CEP43: variants seen among roughly 807,000 people sequenced by gnomAD.
CEP43 encodes centrosomal protein 43.
A neutral mutation model predicts 52.6 loss-of-function variants in CEP43; 36 were observed. The ratio of observed to expected loss-of-function variants is 0.68; its 90% CI spans 0.52 to 0.90. CEP43 has a LOEUF of 0.90. CEP43 is among the 40% of genes least tolerant of loss of function. The pLI, the probability that CEP43 is intolerant of heterozygous loss-of-function variation, is 0.00. For synonymous variants in CEP43, 192 were observed against 172.4 expected, an observed-to-expected ratio of 1.11 and a Z score of -0.89; for missense variants, 506 against 472.8, an observed-to-expected ratio of 1.07 and a Z score of -0.65.
chr6:167,003,483 C>T (rs765826053), intron 3 of CEP43: 33 of 508,188 alleles, frequency 6.5e-5, no homozygotes, highest in South Asian at 1.3e-4. Context: ...CATTAAAAAG[C>T]GAAACACTGA....
chr6:167,033,940 T>C lies in CEP43; in HGVS notation c.1094T>C (p.Val365Ala), dbSNP rs112331239. Reference protein sequence around the residue: ...IGEEIEEDLSVEIDDINTSDK... With the variant: ...IGEEIEEDLSAEIDDINTSDK... ...GAAGAGATAGAAGAAGACCTTTCTG[T>C]GGAAATAGATGACATCAATACCAGT... Residue 365 changes from valine (V) to alanine (A), a missense_variant, in exon 12 of 13, where the codon GTG becomes GCG. Transcript: ENST00000366847. 6.9e-6 allele frequency: 11 copies of C among 1,589,096 alleles called. No homozygotes were observed. Among genetic ancestry groups the C allele is most frequent in the Non-Finnish European group, 9.5e-6 (11 of 1,160,508 alleles).
chr6:167,041,245 A>G lies in CEP43; in HGVS notation c.*1267A>G. On this transcript the variant is annotated 3_prime_UTR_variant, in exon 13 of 13. Coordinates refer to ENST00000366847, the MANE Select transcript of CEP43 (RefSeq NM_007045.4). ...TCATATTAGCCTAAATATTACAGAA[A>G]TTACTCCTTGGGCTCTAAAATGTAG... 2 of 1,048,118 alleles carry G rather than the reference A, an allele frequency of 1.9e-6. No individual in the cohort carries two copies. Among genetic ancestry groups the G allele is most frequent in the Non-Finnish European group, 2.3e-6 (2 of 868,572 alleles). 64.9% of individuals were successfully genotyped at this position (1,048,118 alleles called of 1,614,324 possible).
At chr6:167,035,821 C>A (rs1780572856) in intron 12 of CEP43, among the ~76,000 whole-genome samples, 1 of 152,174 alleles carries the variant, frequency 6.6e-6, no homozygotes, top group Non-Finnish European at 1.5e-5. Flanking sequence ...CCTGCCTCGG[C>A]CTCCCAAAGT....
intron 8 of CEP43, 35 bp from the exon 9 acceptor site, chr6:167,024,747 A>C: frequency 6.9e-7 from 1 of 1,452,668 alleles, no homozygotes; most frequent in Non-Finnish European, 9.6e-7. Context: ...GGCAGAACAT[A>C]AGAGCACCGA....
intron 12 of CEP43, among the ~76,000 whole-genome samples, chr6:167,037,004 C>T (rs1222241156): frequency 2.6e-5 from 4 of 152,182 alleles, no homozygotes; most frequent in Admixed American, 6.5e-5. Flanking sequence ...GGGGTTTCAC[C>T]TATGTTAGCC....
In CEP43 at chr6:167,041,053, A is replaced by C. The variant is rs1356819216; in HGVS notation, c.*1075A>C. 5.8e-6 allele frequency: 6 copies of C among 1,031,806 alleles called. No individual in the cohort carries two copies. The African/African-American group carries it at 8.4e-5, about 14-fold the overall frequency. The allele number at this position is 1,031,806 out of a possible 1,614,324, so 63.9% of individuals were successfully genotyped here. A position where few individuals can be genotyped will look rare whatever the true frequency, so the allele number is the denominator to read the frequency against. On this transcript the variant is annotated 3_prime_UTR_variant, in exon 13 of 13. Coordinates refer to ENST00000366847, the MANE Select transcript of CEP43 (RefSeq NM_007045.4). ...TAGAAAGTGATGCATGCATATTTAT[A>C]TATAAGTAAAGCAGGATTGTGCTGT...
intron 4 of CEP43, 88 bp downstream of exon 4, chr6:167,003,899 C>A: frequency 1.2e-6 from 1 of 807,554 alleles, no homozygotes. Flanking sequence ...AATTTGACAA[C>A]TGATAGTTTT....
intron 12 of CEP43, chr6:167,035,935 A>C (rs1333556069): frequency 2.1e-6 from 1 of 478,842 alleles, no homozygotes; most frequent in African/African-American, 2.1e-5. Context: ...AGTGAAAATT[A>C]GAGATAAGCG....
intron 4 of CEP43, 131 bp downstream of exon 4, chr6:167,003,942 CTG>C (rs1562522717): frequency 1.5e-6 from 1 of 671,920 alleles, no homozygotes; most frequent in Non-Finnish European, 2.5e-6. Context: ...AGTTGATTAT[CTG>C]TTTTTCTTAA....
chr6:167,032,467 G>A, intron 10 of CEP43, 136 bp from the exon 11 acceptor site: 1 of 660,626 alleles, frequency 1.5e-6, no homozygotes, highest in South Asian at 3.6e-5. Context: ...TATTATATAT[G>A]CTTAAAATGT....
At position 166,999,523 on chromosome 6, in the gene CEP43, G is replaced by A; in HGVS notation, c.102+9G>A. ...TCCTGAACCGCATCAAGGTGAGGCC[G>A]GAGGCTGGGGCCGGGCCTGGCGGAT... On this transcript the variant is annotated intron_variant, in intron 1 of 12. Coordinates refer to ENST00000366847, the MANE Select transcript of CEP43 (RefSeq NM_007045.4). The A allele has an allele frequency of 7.0e-7, 1 of 1,424,366 alleles. No individual in the cohort carries two copies. 88.2% of individuals were successfully genotyped at this position (1,424,366 alleles called of 1,614,324 possible). A position where few individuals can be genotyped will look rare whatever the true frequency, so the allele number is the denominator to read the frequency against.
At chr6:167,037,417 G>A (rs549367471) in intron 12 of CEP43, among the ~76,000 whole-genome samples, 26 of 152,180 alleles carry the variant, frequency 1.7e-4, no homozygotes, top group Non-Finnish European at 3.4e-4. Context: ...TAATAATGAT[G>A]GGAAGAGAAA....
In CEP43 at chr6:167,044,608, T is replaced by G; in HGVS notation, c.*4630T>G. On this transcript the variant is annotated 3_prime_UTR_variant, in exon 13 of 13. Coordinates refer to ENST00000366847, the MANE Select transcript of CEP43 (RefSeq NM_007045.4). ...GGGACAGCGTTTTTGAATGTGAAAT[T>G]TATTCCCTGATACATGTTTTTAAAA... 1.1e-6 allele frequency: 1 copy of G among 902,048 alleles called. No individual in the cohort carries two copies. The highest frequency in any genetic ancestry group is 1.3e-6 in the Non-Finnish European group (1 of 754,022). The allele number at this position is 902,048 out of a possible 1,614,324, so 55.9% of individuals were successfully genotyped here.
At chr6:167,031,104 T>C (rs1451950653) in intron 10 of CEP43, among the ~76,000 whole-genome samples, 1 of 152,166 alleles carries the variant, frequency 6.6e-6, no homozygotes, top group Non-Finnish European at 1.5e-5. Flanking sequence ...AATTTTTAAT[T>C]TTTGAGGGGG....
chr6:167,004,481 G>A, intron 5 of CEP43, 80 bp downstream of exon 5: 1 of 1,178,914 alleles, frequency 8.5e-7, no homozygotes, highest in Non-Finnish European at 1.1e-6. Context: ...TGCATATATA[G>A]TAAATTAAGG....
rs80135354 is a variant in CEP43, at chr6:167,045,818, T to G, written c.*5840T>G. 2 of 152,354 alleles carry G rather than the reference T, an allele frequency of 1.3e-5. No individual in the cohort carries two copies. Among genetic ancestry groups the G allele is most frequent in the East Asian group, 3.9e-4 (2 of 5,166 alleles). The allele number at this position is 152,354 out of a possible 1,614,324, so 9.4% of individuals were successfully genotyped here. On this transcript the variant is annotated 3_prime_UTR_variant, in exon 13 of 13. Transcript: ENST00000366847. ...TTGGATATACCTCTTAATCATACTTTGTTTGAAATCCTTTGTGGTTTCTAA... is the reference window on the plus strand; with the variant it reads ...TTGGATATACCTCTTAATCATACTTGGTTTGAAATCCTTTGTGGTTTCTAA...
intron 11 of CEP43, 35 bp downstream of exon 11, chr6:167,032,677 T>A: frequency 6.6e-7 from 1 of 1,509,406 alleles, no homozygotes; most frequent in Non-Finnish European, 9.0e-7. Context: ...TATAAATATA[T>A]ACGTTATTTG....
Position 167,010,935 on chromosome 6 carries a change from C to T in CEP43, c.519+42C>T, listed in dbSNP as rs374457178. ...ACACGGAAGTCATGTCTGGACTTAA[C>T]TCCAGAGTGCTCTGCTTTTCTCTCT... On this transcript the variant is annotated intron_variant, in intron 6 of 12. Transcript: ENST00000366847. The T allele has an allele frequency of 2.7e-4, 306 of 1,132,270 alleles. 3 individuals are homozygous for T. In the Middle Eastern group the frequency reaches 6.0e-3, roughly 22 times the overall value. The allele number at this position is 1,132,270 out of a possible 1,614,324, so 70.1% of individuals were successfully genotyped here.
Position 167,024,817 on chromosome 6 carries a change from C to T in CEP43, c.842C>T (p.Ala281Val). ...CCTAGGAAGCAAGCAGGAAGTCTGG[C>T]CTCGCTCTCGGATGCACCCCCCTTA... ...KEPRKQAGSL[A>V]SLSDAPPLKS... Residue 281 changes from alanine (A) to valine (V), a missense_variant, in exon 9 of 13, where the codon GCC becomes GTC. Transcript: ENST00000366847. 9 of 1,613,866 alleles carry T rather than the reference C, an allele frequency of 5.6e-6. No individual in the cohort carries two copies. Among genetic ancestry groups the T allele is most frequent in the Non-Finnish European group, 7.6e-6 (9 of 1,179,810 alleles).
Sources: gnomAD v4.1 joint callset for allele counts (sites outside exome capture counted in the v4.1 genomes callset) on GRCh38, gnomAD v4.1.1 for gene constraint, MANE v1.5 for transcripts, NCBI Gene and HGNC (gene_info 2026-07-23, HGNC 2026-07-21) for gene names.